The following ACER2 variants were observed in gnomAD, a reference collection of about 807,000 sequenced individuals.
The protein encoded by ACER2 is alkaline ceramidase 2.
Under a neutral mutation model 34.7 loss-of-function variants are expected in ACER2, and 26 were observed. The ratio of observed to expected loss-of-function variants is 0.75; its 90% confidence interval spans 0.55 to 1.04. The LOEUF (loss-of-function observed/expected upper bound fraction) is 1.04. Ranked by LOEUF, ACER2 falls within the 50% of genes least tolerant of loss-of-function variation. ACER2 has a pLI of 0.00. For missense variants in ACER2, 352 were observed against 340.8 expected, an observed-to-expected ratio of 1.03 and a Z score of -0.26; for synonymous variants, 138 against 132.1, an observed-to-expected ratio of 1.04 and a Z score of -0.31.
chr9:19,444,360 C>T lies in ACER2; in HGVS notation c.504-1921C>T, dbSNP rs963807180. Among the ~76,000 whole-genome samples the T allele has an allele frequency of 3.2e-4, 48 of 151,774 alleles. 1 individual carries two copies. Among genetic ancestry groups the T allele is most frequent in the Middle Eastern group, 3.4e-3 (1 of 290 alleles). ...CCGAGTAGCTGGGACTACAGGCGCCCGCCACCACGCCCGACTAATTTTTTT... is the reference window on the plus strand; with the variant it reads ...CCGAGTAGCTGGGACTACAGGCGCCTGCCACCACGCCCGACTAATTTTTTT... On this transcript the variant is annotated intron_variant, in intron 4 of 5. Coordinates refer to ENST00000340967, the MANE Select transcript of ACER2 (RefSeq NM_001010887.3).
At chr9:19,410,556 C>T (rs1830058027) in intron 1 of ACER2, among the ~76,000 whole-genome samples, 1 of 151,696 alleles carries the variant, frequency 6.6e-6, no homozygotes, top group African/African-American at 2.4e-5. Flanking sequence ...CAAAAAAATA[C>T]AAAAATTAGC....
chr9:19,419,352 C>T (rs989395412), intron 1 of ACER2, among the ~76,000 whole-genome samples: 1 of 152,116 alleles, frequency 6.6e-6, no homozygotes, highest in Admixed American at 6.5e-5. Flanking sequence ...CCACATTTCT[C>T]AGACTGGTGA....
chr9:19,449,425 G>GC (rs981868508), intron 5 of ACER2, among the ~76,000 whole-genome samples: 4 of 152,162 alleles, frequency 2.6e-5, no homozygotes, highest in African/African-American at 9.6e-5. Flanking sequence ...AATATTCCCT[G>GC]CCCCCCTGCA....
intron 1 of ACER2, chr9:19,409,772 A>T (rs1830032616): frequency 2.0e-6 from 2 of 984,628 alleles, no homozygotes; most frequent in Non-Finnish European, 2.4e-6. Context: ...TCTTGCCTTT[A>T]GTGTCCTGTC....
chr9:19,449,857 A>C (rs1831499252), intron 5 of ACER2, among the ~76,000 whole-genome samples: 1 of 146,908 alleles, frequency 6.8e-6, no homozygotes, highest in Admixed American at 7.0e-5. Flanking sequence ...GCACCATTGC[A>C]CTCCAGCCTG....
chr9:19,409,144 C>T lies in ACER2; in HGVS notation c.60C>T (p.Cys20=), dbSNP rs1471092409. The T allele has an allele frequency of 1.2e-5, 19 of 1,606,768 alleles. No individual in the cohort carries two copies. The East Asian group carries it at 2.9e-4, about 25-fold the overall frequency. ...CTGGTAGCTCGGAGGTGGACTGGTG[C>T]GAGGACAACTACACCATCGTGCCTG... ...LQAGSSEVDW[C]EDNYTIVPAI... is the part of the protein sequence containing the mutation. The change falls in exon 1 of 6, where the codon TGC becomes TGT. Residue 20 remains cysteine (C), a synonymous_variant. Transcript: ENST00000340967.
At chr9:19,419,293 A>G (rs908683632) in intron 1 of ACER2, among the ~76,000 whole-genome samples, 3 of 152,150 alleles carry the variant, frequency 2.0e-5, no homozygotes, top group Non-Finnish European at 4.4e-5. Context: ...AATTGACCAC[A>G]TTTCTTTTCT....
At chr9:19,446,177 GT>G (rs1831353167) in intron 4 of ACER2, 103 bp from the exon 5 acceptor site, 1 of 1,523,442 alleles carries the variant, frequency 6.6e-7, no homozygotes, top group East Asian at 2.3e-5. Context: ...GTGTCTTGGG[GT>G]TGTAGGCATG....
At chr9:19,423,640 G>T (rs938095248) in intron 1 of ACER2, among the ~76,000 whole-genome samples, 2 of 152,346 alleles carry the variant, frequency 1.3e-5, no homozygotes, top group African/African-American at 2.4e-5. Flanking sequence ...GGTAGAGGTT[G>T]CAGTGAGCCA....
At chr9:19,445,011 A>G (rs1176581464) in intron 4 of ACER2, among the ~76,000 whole-genome samples, 4 of 152,174 alleles carry the variant, frequency 2.6e-5, no homozygotes, top group South Asian at 4.1e-4. Flanking sequence ...TCAGGCTTTT[A>G]ACACCTGTCT....
intron 4 of ACER2, among the ~76,000 whole-genome samples, chr9:19,441,797 A>C (rs1004243496): frequency 6.6e-6 from 1 of 152,148 alleles, no homozygotes; most frequent in Non-Finnish European, 1.5e-5. Context: ...GGAAAAGAAA[A>C]GACGGTTGTT....
chr9:19,446,414 A>G lies in ACER2; in HGVS notation c.637A>G (p.Met213Val). The part of the protein sequence containing the change: ...SSFNFPYLHC[M>V]WHILICLAAY... ...CTTCAACTTCCCCTACCTGCACTGC[A>G]TGTGGTAAGCCCCTGCTAATGGGGA... Residue 213 changes from methionine to valine, a missense_variant, in exon 5 of 6, where the codon ATG becomes GTG. By Grantham distance (21) the Met-to-Val change is conservative (BLOSUM62 1). Transcript: ENST00000340967. 6.2e-7 allele frequency: 1 copy of G among 1,614,110 alleles called. No individual in the cohort carries two copies. The highest frequency in any genetic ancestry group is 8.5e-7 in the Non-Finnish European group (1 of 1,180,016).
intron 4 of ACER2, among the ~76,000 whole-genome samples, chr9:19,444,368 C>T (rs927457181): frequency 6.6e-6 from 1 of 151,846 alleles, no homozygotes. Flanking sequence ...CCCGCCACCA[C>T]GCCCGACTAA....
In ACER2 at chr9:19,423,341, C is replaced by G. The variant is rs967037992; in HGVS notation, c.109-521C>G. Among the ~76,000 whole-genome samples, 35 of 152,150 alleles carry G rather than the reference C, an allele frequency of 2.3e-4. 1 individual carries two copies. Among genetic ancestry groups the G allele is most frequent in the Non-Finnish European group, 5.9e-5 (4 of 68,032 alleles). On this transcript the variant is annotated intron_variant, in intron 1 of 5. Transcript: ENST00000340967. ...GCTACTCCTATGATCAAAGAAGCAG[C>G]AGGGAGCCTCTTAAATGGTCATTTA... is the stretch of plus-strand genomic sequence containing the variant.
Position 19,409,323 on chromosome 9 carries a change from C to G in ACER2, c.108+131C>G. On this transcript the variant is annotated intron_variant, in intron 1 of 5. Transcript: ENST00000340967. ...CATTCTCTCCAGGGGCTGAGTCAGT[C>G]CACACCCCCTCCTCGGCGCGCTCCT... 3.8e-6 allele frequency: 3 copies of G among 795,040 alleles called. No homozygotes were observed. In the South Asian group the frequency reaches 5.1e-5, roughly 14 times the overall value. 49.2% of individuals were successfully genotyped at this position (795,040 alleles called of 1,614,324 possible).
intron 1 of ACER2, among the ~76,000 whole-genome samples, chr9:19,419,343 C>T (rs1830332619): frequency 1.3e-5 from 2 of 151,966 alleles, no homozygotes; most frequent in Non-Finnish European, 2.9e-5. Context: ...AAAAATTGGC[C>T]ACATTTCTCA....
chr9:19,428,324 C>T (rs927106609), intron 3 of ACER2, among the ~76,000 whole-genome samples: 30 of 151,820 alleles, frequency 2.0e-4, no homozygotes, highest in African/African-American at 7.3e-4. Flanking sequence ...CATGTCACCA[C>T]ATGTGGCTAA....
intron 1 of ACER2, among the ~76,000 whole-genome samples, chr9:19,415,054 T>C (rs1830202079): frequency 6.6e-6 from 1 of 152,160 alleles, no homozygotes; most frequent in Non-Finnish European, 1.5e-5. Flanking sequence ...TTCCTTTCCA[T>C]ATGTTGACGT....
At chr9:19,433,930 G>C (rs1830850685) in intron 3 of ACER2, among the ~76,000 whole-genome samples, 2 of 152,098 alleles carry the variant, frequency 1.3e-5, no homozygotes, top group African/African-American at 4.8e-5. Context: ...TCCAGGACGG[G>C]GCGGCTGGCC....
Sources: allele counts gnomAD v4.1 joint callset (sites outside exome capture counted in the v4.1 genomes callset), GRCh38; gene constraint gnomAD v4.1.1; transcripts MANE v1.5; gene names NCBI Gene and HGNC (gene_info 2026-07-23, HGNC 2026-07-21).